CDKL2: variants seen among roughly 807,000 people sequenced by gnomAD.
The protein encoded by CDKL2 is cyclin-dependent kinase-like 2.
In CDKL2, 64 loss-of-function variants were observed where a neutral mutation model predicts 63.9. The ratio of observed to expected loss-of-function variants is 1.00; its 90% CI spans 0.82 to 1.23. CDKL2 has a LOEUF of 1.23. Among genes scored for constraint, CDKL2 ranks in the 50% most tolerant of loss-of-function variants. The pLI is 0.00. For missense variants in CDKL2, 656 were observed against 668.0 expected (o/e 0.98, Z 0.20); for synonymous variants, 211 against 229.2 (o/e 0.92, Z 0.72).
At chr4:75,596,071 C>T (rs993231867) in intron 10 of CDKL2, 176 bp downstream of exon 10, 1 of 402,414 alleles carries the variant, frequency 2.5e-6, no homozygotes, top group Non-Finnish European at 4.4e-6. Context: ...AAAACTTAAA[C>T]TTTCAGAATT....
intron 3 of CDKL2, among the ~76,000 whole-genome samples, chr4:75,610,828 T>C (rs1364508674): frequency 6.6e-6 from 1 of 152,194 alleles, no homozygotes; most frequent in South Asian, 2.1e-4. Flanking sequence ...TGTGTTTATA[T>C]ATATGTATGT....
intron 12 of CDKL2, among the ~76,000 whole-genome samples, chr4:75,589,931 A>G (rs952187308): frequency 3.3e-5 from 5 of 151,222 alleles, no homozygotes; most frequent in Admixed American, 1.3e-4. Context: ...GCAGTGAGCT[A>G]TGAGCATGCC....
chr4:75,614,387 G>A lies in CDKL2; in HGVS notation c.231C>T (p.Tyr77=). ...TGTGGTCAACAAATTCAAAGACTAG[G>A]TACCATCGTTTTTTTTTCTTACACA... ...LEVCKKKKRW[Y]LVFEFVDHTI... Residue 77 remains tyrosine (Y), a synonymous_variant, in exon 3 of 14, where the codon TAC becomes TAT. Transcript: ENST00000307465. The A allele has an allele frequency of 6.2e-7, 1 of 1,603,400 alleles. No individual in the cohort carries two copies. The highest frequency in any genetic ancestry group is 2.2e-5 in the East Asian group (1 of 44,630).
chr4:75,622,332 G>C (rs1235515392), intron 2 of CDKL2, among the ~76,000 whole-genome samples: 1 of 151,992 alleles, frequency 6.6e-6, no homozygotes, highest in Non-Finnish European at 1.5e-5. Context: ...TACATCTAAC[G>C]ACACAGAAGG....
chr4:75,614,852 C>CA (rs1729855682), intron 2 of CDKL2, among the ~76,000 whole-genome samples: 1 of 119,344 alleles, frequency 8.4e-6, no homozygotes, highest in Non-Finnish European at 1.8e-5. Flanking sequence ...TCTCTGAAGC[C>CA]AGTGACATAC....
intron 12 of CDKL2, among the ~76,000 whole-genome samples, chr4:75,585,033 C>T (rs186246172): frequency 6.6e-6 from 1 of 152,204 alleles, no homozygotes; most frequent in East Asian, 1.9e-4. Context: ...TATTTATATG[C>T]TGTCTGTGAA....
At chr4:75,607,390 T>C in intron 3 of CDKL2, 29 bp from the exon 4 acceptor site, 1 of 1,564,416 alleles carries the variant, frequency 6.4e-7, no homozygotes, top group South Asian at 1.1e-5. Context: ...GTGACGGATG[T>C]TAAATAAAAT....
intron 1 of CDKL2, 84 bp from the exon 2 acceptor site, chr4:75,626,101 G>C: frequency 1.2e-6 from 1 of 835,352 alleles, no homozygotes; most frequent in African/African-American, 1.7e-5. Flanking sequence ...TTCCCTGCTT[G>C]TTTTCCATAT....
chr4:75,580,565 G>A (rs1728215711), intron 13 of CDKL2, among the ~76,000 whole-genome samples: 1 of 150,970 alleles, frequency 6.6e-6, no homozygotes, highest in South Asian at 2.1e-4. Context: ...TACTCAGGAG[G>A]CTGGGGTGGG....
intron 12 of CDKL2, among the ~76,000 whole-genome samples, chr4:75,586,719 C>A (rs1429543020): frequency 6.6e-6 from 1 of 152,092 alleles, no homozygotes; most frequent in African/African-American, 2.4e-5. Flanking sequence ...CTACACCAAA[C>A]TCTGTGATGT....
At chr4:75,587,166 A>G (rs1305454705) in intron 12 of CDKL2, among the ~76,000 whole-genome samples, 3 of 152,232 alleles carry the variant, frequency 2.0e-5, no homozygotes, top group African/African-American at 7.2e-5. Flanking sequence ...TAAAAGGACA[A>G]TAAGAGGCCG....
chr4:75,625,714 C>A, intron 2 of CDKL2, 107 bp downstream of exon 2: 1 of 751,126 alleles, frequency 1.3e-6, no homozygotes, highest in African/African-American at 1.8e-5. Context: ...ATCAGGTTTA[C>A]ATTCACCAGA....
intron 1 of CDKL2, among the ~76,000 whole-genome samples, chr4:75,628,805 C>T (rs1053272154): frequency 2.6e-5 from 4 of 152,082 alleles, no homozygotes; most frequent in African/African-American, 9.7e-5. Context: ...GTATACAATA[C>T]GTTTTCCACA....
chr4:75,592,300 A>C, intron 10 of CDKL2, 31 bp from the exon 11 acceptor site: 1 of 1,495,552 alleles, frequency 6.7e-7, no homozygotes, highest in Non-Finnish European at 8.8e-7. Flanking sequence ...AACAAAAAAG[A>C]ATTAGTTTCA....
At chr4:75,594,777 G>T (rs1321838276) in intron 10 of CDKL2, among the ~76,000 whole-genome samples, 3 of 152,186 alleles carry the variant, frequency 2.0e-5, no homozygotes, top group African/African-American at 7.2e-5. Flanking sequence ...AAAGCCCAAA[G>T]GTGGGAGTAT....
chr4:75,592,319 T>C, intron 10 of CDKL2, 50 bp from the exon 11 acceptor site: 1 of 1,442,238 alleles, frequency 6.9e-7, no homozygotes, highest in Non-Finnish European at 9.1e-7. Context: ...CAAGGTTAGC[T>C]AGGCTTTCCT....
At chr4:75,619,411 A>G (rs1578350967) in intron 2 of CDKL2, among the ~76,000 whole-genome samples, 1 of 152,190 alleles carries the variant, frequency 6.6e-6, no homozygotes, top group South Asian at 2.1e-4. Context: ...AAAGATTGCC[A>G]ATAGTGAAAA....
chr4:75,577,188 A>G lies in CDKL2; in HGVS notation c.*2014T>C, dbSNP rs1200682244. ...CACTGCTCCCCACCAGTACATACAC[A>G]TATTCCCTATTAGTGTGTGACTAAA... is the stretch of plus-strand genomic sequence containing the variant. On this transcript the variant is annotated 3_prime_UTR_variant, in exon 14 of 14. Coordinates refer to ENST00000307465, the MANE Select transcript of CDKL2 (RefSeq NM_001330724.2). Among the ~76,000 whole-genome samples, 2 of 152,288 alleles carry G rather than the reference A, an allele frequency of 1.3e-5. No homozygotes were observed. The highest frequency in any genetic ancestry group is 2.9e-5 in the Non-Finnish European group (2 of 68,004).
In CDKL2 at chr4:75,580,859, C is replaced by T. The variant is rs1364433593; in HGVS notation, c.*23+951G>A. Among the ~76,000 whole-genome samples, 3 of 150,626 alleles carry T rather than the reference C, an allele frequency of 2.0e-5. No individual in the cohort carries two copies. In the East Asian group the frequency reaches 5.9e-4, roughly 30 times the overall value. ...GGGACTACAGGCGCCCGCTACCACACCCGGCTAATTTTTTGTATTTTTAGT... is the reference window on the plus strand; with the variant it reads ...GGGACTACAGGCGCCCGCTACCACATCCGGCTAATTTTTTGTATTTTTAGT... On this transcript the variant is annotated intron_variant, in intron 13 of 13. Transcript: ENST00000307465.
Sources: allele counts gnomAD v4.1 joint callset (sites outside exome capture counted in the v4.1 genomes callset), GRCh38; gene constraint gnomAD v4.1.1; transcripts MANE v1.5; gene names NCBI Gene and HGNC (gene_info 2026-07-23, HGNC 2026-07-21).